SLC26A7: variants seen among roughly 807,000 people sequenced by gnomAD.
SLC26A7 encodes the protein anion exchange transporter.
Under a neutral mutation model 82.5 loss-of-function variants are expected in SLC26A7, and 59 were observed. That is an observed-to-expected ratio of 0.72 (90% CI 0.58 to 0.89). The LOEUF is 0.89. Ranked by LOEUF, SLC26A7 falls within the 40% of genes least tolerant of loss-of-function variation. The pLI, the probability that SLC26A7 is intolerant of heterozygous loss-of-function variation, is 0.00. For synonymous variants in SLC26A7, 271 were observed against 274.3 expected (o/e 0.99, Z 0.12); for missense variants, 820 against 793.0 (o/e 1.03, Z -0.41).
chr8:91,357,946 A>G (rs1014917686), intron 11 of SLC26A7, among the ~76,000 whole-genome samples: 6 of 152,220 alleles, frequency 3.9e-5, no homozygotes, highest in African/African-American at 1.2e-4. Context: ...AAAAGTGGGC[A>G]AAGGACATGA....
Position 91,334,328 on chromosome 8 carries a change from G to T in SLC26A7, c.676G>T (p.Val226Leu), listed in dbSNP as rs767670791. ...ATATGTTTTTGAAAACATCAAGTCT[G>T]TGCGACTGGAAGCATTGCTTTTATC... ...YAYVFENIKS[V>L]RLEALLLSLL... is the part of the protein sequence containing the mutation. Residue 226 changes from valine to leucine, a missense_variant, in exon 6 of 19, where the codon GTG becomes TTG. Transcript: ENST00000276609. The T allele has an allele frequency of 3.8e-5, 61 of 1,612,858 alleles. No individual in the cohort carries two copies. The highest frequency in any genetic ancestry group is 5.2e-5 in the Non-Finnish European group (61 of 1,179,370).
intron 9 of SLC26A7, chr8:91,344,303 G>T (rs1481869366): frequency 1.6e-6 from 1 of 626,976 alleles, no homozygotes; most frequent in African/African-American, 2.0e-5. Context: ...GGCAGAGCCG[G>T]GATTGGAACC....
chr8:91,266,916 A>C (rs1253975039), intron 2 of SLC26A7, among the ~76,000 whole-genome samples: 2 of 151,914 alleles, frequency 1.3e-5, no homozygotes, highest in Non-Finnish European at 2.9e-5. Context: ...TATTCCTTCC[A>C]TATCTAAATT....
At chr8:91,332,226 T>A (rs1329866833) in intron 5 of SLC26A7, among the ~76,000 whole-genome samples, 1 of 144,574 alleles carries the variant, frequency 6.9e-6, no homozygotes, top group East Asian at 2.0e-4. Flanking sequence ...ATATTCAATA[T>A]ATATTTAATT....
intron 2 of SLC26A7, among the ~76,000 whole-genome samples, chr8:91,240,147 A>G (rs1471203708): frequency 3.9e-5 from 6 of 152,126 alleles, no homozygotes; most frequent in Non-Finnish European, 7.4e-5. Context: ...TTGCTTGCCA[A>G]TGTTCTGGTT....
At chr8:91,326,155 T>C (rs895857968) in intron 5 of SLC26A7, among the ~76,000 whole-genome samples, 8 of 152,196 alleles carry the variant, frequency 5.3e-5, no homozygotes, top group African/African-American at 1.9e-4. Flanking sequence ...TTTTGTGTTT[T>C]AGAATACTTC....
Position 91,318,243 on chromosome 8 carries a change from A to C in SLC26A7, c.505A>C (p.Ser169Arg). Residue 169 changes from serine to arginine, a missense_variant, in exon 5 of 19, where the codon AGT becomes CGT. Physicochemically the swap from Ser to Arg is moderately radical, Grantham distance 110. Transcript: ENST00000276609. ...GGCCATGTTTGTGCTGCAACTGGGC[A>C]GTGCCACATTTGTGGTCACAGAGCC... ...QVAMFVLQLG[S>R]ATFVVTEPVI... 2 of 1,603,156 alleles carry C rather than the reference A, an allele frequency of 1.2e-6. No individual in the cohort carries two copies. Among genetic ancestry groups the C allele is most frequent in the Non-Finnish European group, 1.7e-6 (2 of 1,174,250 alleles).
chr8:91,292,634 A>G (rs1029135729), intron 3 of SLC26A7, among the ~76,000 whole-genome samples: 4 of 152,204 alleles, frequency 2.6e-5, no homozygotes, highest in Non-Finnish European at 5.9e-5. Context: ...TGTTAGAGGC[A>G]TCTTTAAAAG....
intron 4 of SLC26A7, among the ~76,000 whole-genome samples, chr8:91,311,274 T>C (rs571458619): frequency 6.6e-6 from 1 of 152,302 alleles, no homozygotes; most frequent in East Asian, 1.9e-4. Flanking sequence ...GACTACATAT[T>C]ATATGATTCC....
chr8:91,250,826 A>AC (rs1217749911), intron 2 of SLC26A7, among the ~76,000 whole-genome samples: 2 of 152,120 alleles, frequency 1.3e-5, no homozygotes, highest in African/African-American at 4.8e-5. Flanking sequence ...GAACATCTGC[A>AC]CTAGTGACTT....
At chr8:91,250,240 C>G (rs543757003) in intron 2 of SLC26A7, among the ~76,000 whole-genome samples, 4 of 152,176 alleles carry the variant, frequency 2.6e-5, no homozygotes, top group Admixed American at 2.6e-4. Flanking sequence ...TAGCAGCACA[C>G]AATTACCTGT....
intron 16 of SLC26A7, among the ~76,000 whole-genome samples, chr8:91,390,401 A>T (rs1260071622): frequency 6.6e-6 from 1 of 151,810 alleles, no homozygotes; most frequent in African/African-American, 2.4e-5. Context: ...ACAGGCGTGA[A>T]CCTCCTTCTT....
At chr8:91,343,965 A>G (rs1185347428) in intron 9 of SLC26A7, 71 of 781,446 alleles carry the variant, frequency 9.1e-5, no homozygotes, top group Non-Finnish European at 1.1e-4. Flanking sequence ...TTTGACATCT[A>G]TTGAGGGCCT....
intron 15 of SLC26A7, among the ~76,000 whole-genome samples, chr8:91,373,455 AT>A (rs1036895273): frequency 6.6e-6 from 1 of 151,304 alleles, no homozygotes; most frequent in African/African-American, 2.4e-5. Context: ...TTTACTGAAT[AT>A]TTTTTCTGAA....
chr8:91,314,261 A>G (rs990312583), intron 4 of SLC26A7, among the ~76,000 whole-genome samples: 12 of 152,158 alleles, frequency 7.9e-5, no homozygotes, highest in Non-Finnish European at 1.5e-5. Context: ...ATTGATATCA[A>G]ATTTAAATAC....
intron 5 of SLC26A7, among the ~76,000 whole-genome samples, chr8:91,330,373 A>T (rs1301155615): frequency 6.6e-6 from 1 of 152,144 alleles, no homozygotes; most frequent in African/African-American, 2.4e-5. Flanking sequence ...TCCTTTGATG[A>T]GGAAACCTAC....
At chr8:91,306,524 TA>T (rs1357074334) in intron 4 of SLC26A7, among the ~76,000 whole-genome samples, 1 of 152,146 alleles carries the variant, frequency 6.6e-6, no homozygotes, top group Non-Finnish European at 1.5e-5. Flanking sequence ...TCACTTTTAA[TA>T]ACTTTCACTT....
intron 18 of SLC26A7, chr8:91,394,434 C>G: frequency 7.1e-7 from 1 of 1,409,612 alleles, no homozygotes; most frequent in Non-Finnish European, 9.2e-7. Context: ...TGCCTCTAAG[C>G]TTATATTGCC....
chr8:91,225,643 G>GTTTTTTTTTTTTTT lies in SLC26A7; in HGVS notation c.-34+6657_-34+6670dup, dbSNP rs55732709. Among the ~76,000 whole-genome samples, 2 of 36,132 alleles carry GTTTTTTTTTTTTTT rather than the reference G, an allele frequency of 5.5e-5. 1 individual carries two copies. Among genetic ancestry groups the GTTTTTTTTTTTTTT allele is most frequent in the Non-Finnish European group, 9.0e-5 (2 of 22,258 alleles). 23.7% of individuals were successfully genotyped at this position (36,132 alleles called of 152,430 possible). ...TCTTGGCCCTGCCCCCTAGAAAAGT[G>GTTTTTTTTTTTTTT]TTTTTTTTTTTTTTTTTTTTTTTTT... On this transcript the variant is annotated intron_variant, in intron 2 of 5. Coordinates refer to the SLC26A7 transcript ENST00000522862.
Sources: allele counts gnomAD v4.1 joint callset (sites outside exome capture counted in the v4.1 genomes callset), GRCh38; gene constraint gnomAD v4.1.1; transcripts MANE v1.5; gene names NCBI Gene and HGNC (gene_info 2026-07-23, HGNC 2026-07-21).